Variants in SLC4A4 observed in about 807,000 individuals in gnomAD.
SLC4A4 encodes the protein solute carrier family 4 member 4.
A neutral mutation model predicts 111.5 loss-of-function variants in SLC4A4; 27 were observed. The ratio of observed to expected loss-of-function variants is 0.24; its 90% CI spans 0.18 to 0.33. SLC4A4 has a LOEUF of 0.33. Ranked by LOEUF, SLC4A4 falls within the 10% of genes least tolerant of loss-of-function variation. The probability of loss-of-function intolerance (pLI) is 1.00; values close to 1 mark genes in which losing one functional copy is unlikely to be tolerated. For synonymous variants in SLC4A4, 443 were observed against 463.4 expected (o/e 0.96, Z 0.57); for missense variants, 909 against 1,315.5 (o/e 0.69, Z 4.78).
chr4:71,416,546 A>G (rs1194116422), intron 7 of SLC4A4, among the ~76,000 whole-genome samples: 1 of 152,214 alleles, frequency 6.6e-6, no homozygotes, highest in East Asian at 1.9e-4. Context: ...ATAAGGGGGA[A>G]TTTCTAAATC....
intron 3 of SLC4A4, among the ~76,000 whole-genome samples, chr4:71,294,987 A>G (rs1724660723): frequency 6.6e-6 from 1 of 152,214 alleles, no homozygotes. Context: ...ACTAGTATTT[A>G]CTGTGCTATA....
intron 2 of SLC4A4, among the ~76,000 whole-genome samples, chr4:71,172,407 C>A (rs113089096): frequency 0.013 from 2,021 of 152,168 alleles, 43 homozygotes; most frequent in African/African-American, 0.047. Context: ...AGGCACATGC[C>A]ACCATGCCCA....
intron 7 of SLC4A4, among the ~76,000 whole-genome samples, chr4:71,440,089 G>T (rs926725329): frequency 6.6e-6 from 1 of 151,862 alleles, no homozygotes; most frequent in Non-Finnish European, 1.5e-5. Context: ...CTTTACTCCA[G>T]TGTCAAATGT....
At chr4:71,287,015 A>T (rs1439361896) in intron 3 of SLC4A4, among the ~76,000 whole-genome samples, 2 of 152,090 alleles carry the variant, frequency 1.3e-5, no homozygotes, top group Non-Finnish European at 2.9e-5. Context: ...GACTTTAGCC[A>T]GGTTTGTCTG....
At chr4:71,356,543 A>G (rs908690849) in intron 5 of SLC4A4, among the ~76,000 whole-genome samples, 4 of 152,174 alleles carry the variant, frequency 2.6e-5, no homozygotes, top group Admixed American at 6.5e-5. Context: ...ACTGTATTCT[A>G]TTATTAAGTA....
chr4:71,078,563 A>G (rs1741909852), intron 1 of SLC4A4, among the ~76,000 whole-genome samples: 1 of 152,154 alleles, frequency 6.6e-6, no homozygotes, highest in Non-Finnish European at 1.5e-5. Context: ...GATTTTAAAA[A>G]AATTGATTAG....
intron 1 of SLC4A4, among the ~76,000 whole-genome samples, chr4:71,226,883 A>G (rs1719081514): frequency 6.6e-6 from 1 of 152,072 alleles, no homozygotes; most frequent in African/African-American, 2.4e-5. Flanking sequence ...GTCACTACAC[A>G]TAGTCACTAC....
upstream of SLC4A4, among the ~76,000 whole-genome samples, chr4:71,183,606 A>T (rs1024443702): frequency 6.6e-6 from 1 of 152,208 alleles, no homozygotes; most frequent in Non-Finnish European, 1.5e-5. Flanking sequence ...CTTTCATCCC[A>T]GATTGGTTTT....
At chr4:71,319,617 A>T (rs1396510863) in intron 3 of SLC4A4, among the ~76,000 whole-genome samples, 1 of 152,064 alleles carries the variant, frequency 6.6e-6, no homozygotes, top group Non-Finnish European at 1.5e-5. Context: ...CAAAGAAAAG[A>T]TGAGATCAAA....
chr4:71,505,730 A>G (rs1026824095), intron 16 of SLC4A4, among the ~76,000 whole-genome samples: 1 of 151,976 alleles, frequency 6.6e-6, no homozygotes, highest in Non-Finnish European at 1.5e-5. Flanking sequence ...TTTTGTTGCA[A>G]TTGCTTTTGG....
In SLC4A4 at chr4:71,522,556, C is replaced by T. The variant is rs551046167; in HGVS notation, c.2167-9506C>T. On this transcript the variant is annotated intron_variant, in intron 16 of 25. Transcript: ENST00000264485. ...AGTAGAAATCAGAAAGTCACAGAAC[C>T]GCATGAATTAGGCAAAATTATTGAT... 9.9e-5 allele frequency among the ~76,000 whole-genome samples: 15 copies of T among 152,114 alleles called. 1 individual carries two copies. Among genetic ancestry groups the T allele is most frequent in the Admixed American group, 3.9e-4 (6 of 15,284 alleles).
At chr4:71,420,072 A>C (rs1243050751) in intron 7 of SLC4A4, among the ~76,000 whole-genome samples, 1 of 152,236 alleles carries the variant, frequency 6.6e-6, no homozygotes, top group Non-Finnish European at 1.5e-5. Context: ...AAAGGCAAAG[A>C]AGTTAAAAAC....
At chr4:71,135,047 TTAAG>T (rs1288796380) in intron 2 of SLC4A4, among the ~76,000 whole-genome samples, 1 of 152,150 alleles carries the variant, frequency 6.6e-6, no homozygotes, top group African/African-American at 2.4e-5. Context: ...CGATAAGCCT[TTAAG>T]TAACTGCAGA....
chr4:71,140,763 GACC>G (rs1743973324), intron 2 of SLC4A4, among the ~76,000 whole-genome samples: 1 of 152,006 alleles, frequency 6.6e-6, no homozygotes, highest in African/African-American at 2.4e-5. Context: ...TGTCAAATAT[GACC>G]ACTTCTCATC....
At chr4:71,308,810 ACGTGTGTTTTTT>A (rs1641066537) in intron 3 of SLC4A4, among the ~76,000 whole-genome samples, 1 of 152,170 alleles carries the variant, frequency 6.6e-6, no homozygotes, top group Non-Finnish European at 1.5e-5. Flanking sequence ...GGCTAGCTGC[ACGTGTGTTTTTT>A]TCGTACCCCA....
At chr4:71,103,770 C>G (rs1742831215) in intron 2 of SLC4A4, among the ~76,000 whole-genome samples, 1 of 151,950 alleles carries the variant, frequency 6.6e-6, no homozygotes, top group Admixed American at 6.6e-5. Flanking sequence ...GCATTTAAAG[C>G]AGTGTGGAGA....
chr4:71,546,353 G>A lies in SLC4A4; in HGVS notation c.2446G>A (p.Gly816Arg), dbSNP rs1259668764. 1 of 1,612,088 alleles carries A rather than the reference G, an allele frequency of 6.2e-7. No homozygotes were observed. Among genetic ancestry groups the A allele is most frequent in the Non-Finnish European group, 8.5e-7 (1 of 1,178,468 alleles). ...GTTTTGTTATCTCTTTCTACAGAAA[G>A]GAGCAGGGTATCACTTGGATCTCTT... ...VNRKEHKLKK[G>R]AGYHLDLFWV... Residue 816 changes from glycine (G) to arginine (R), a missense_variant, in exon 19 of 26, where the codon GGA becomes AGA. Gly to Arg is a moderately radical substitution (Grantham distance 125). Coordinates refer to ENST00000264485, the MANE Select transcript of SLC4A4 (RefSeq NM_001098484.3).
At chr4:71,183,869 G>A (rs1745375549), upstream of SLC4A4, among the ~76,000 whole-genome samples, 1 of 152,140 alleles carries the variant, frequency 6.6e-6, no homozygotes. Context: ...GACGTTTATA[G>A]TAACAAGCTA....
upstream of SLC4A4, among the ~76,000 whole-genome samples, chr4:71,184,273 T>C (rs1745386469): frequency 6.6e-6 from 1 of 152,190 alleles, no homozygotes. Context: ...AACTTCTTGT[T>C]TTAGAATCAA....
Sources: allele counts gnomAD v4.1 joint callset (sites outside exome capture counted in the v4.1 genomes callset), GRCh38; gene constraint gnomAD v4.1.1; transcripts MANE v1.5; gene names NCBI Gene and HGNC (gene_info 2026-07-23, HGNC 2026-07-21).